Variants in MMRN1 observed in about 807,000 individuals in gnomAD.
MMRN1 encodes the protein multimerin 1.
Under a neutral mutation model 100.7 loss-of-function variants are expected in MMRN1, and 94 were observed. The observed-to-expected ratio is 0.93, with a 90% CI of 0.79 to 1.11. MMRN1 has a LOEUF of 1.11. Ranked by LOEUF, MMRN1 falls within the 50% of genes least tolerant of loss-of-function variation. The probability of loss-of-function intolerance (pLI) is 0.00; values close to 1 mark genes in which losing one functional copy is unlikely to be tolerated. For missense variants in MMRN1, 1,606 were observed against 1,439.1 expected (o/e 1.12, Z -1.88); for synonymous variants, 575 against 505.0 (o/e 1.14, Z -1.86).
intron 6 of MMRN1, among the ~76,000 whole-genome samples, chr4:89,942,755 A>C (rs568107924): frequency 5.3e-5 from 8 of 152,280 alleles, no homozygotes; most frequent in South Asian, 2.1e-4. Flanking sequence ...ATTACCAGTA[A>C]AATTATGACA....
At chr4:89,916,533 AAT>A (rs2110605291) in intron 3 of MMRN1, among the ~76,000 whole-genome samples, 1 of 151,874 alleles carries the variant, frequency 6.6e-6, no homozygotes, top group African/African-American at 2.4e-5. Flanking sequence ...GAAACTATAA[AAT>A]ATGAAAAAAG....
chr4:89,904,022 T>G (rs1721477352), intron 1 of MMRN1, among the ~76,000 whole-genome samples: 1 of 151,674 alleles, frequency 6.6e-6, no homozygotes, highest in Non-Finnish European at 1.5e-5. Flanking sequence ...GAAATGACCT[T>G]CTAATTCTGA....
chr4:89,929,555 T>C (rs1722372013), intron 5 of MMRN1, among the ~76,000 whole-genome samples: 1 of 152,104 alleles, frequency 6.6e-6, no homozygotes, highest in African/African-American at 2.4e-5. Context: ...TGAGATTTGT[T>C]TAGCAAGATT....
upstream of MMRN1, among the ~76,000 whole-genome samples, chr4:89,894,562 C>T (rs1721127878): frequency 6.6e-6 from 1 of 152,052 alleles, no homozygotes; most frequent in African/African-American, 2.4e-5. Context: ...CTGTATTCAG[C>T]CTATATCAAC....
At chr4:89,892,513 C>A (rs1053071872), upstream of MMRN1, among the ~76,000 whole-genome samples, 14 of 151,700 alleles carry the variant, frequency 9.2e-5, no homozygotes, top group African/African-American at 2.7e-4. Context: ...GAGACAAGGT[C>A]TCTGACAATT....
upstream of MMRN1, among the ~76,000 whole-genome samples, chr4:89,891,864 A>G (rs1186328914): frequency 1.3e-5 from 2 of 151,994 alleles, no homozygotes; most frequent in African/African-American, 2.4e-5. Context: ...GAAAAATCCT[A>G]TTAATCTGGT....
chr4:89,920,105 A>T (rs368780558), intron 3 of MMRN1, among the ~76,000 whole-genome samples: 3 of 152,168 alleles, frequency 2.0e-5, no homozygotes, highest in East Asian at 3.9e-4. Context: ...TCATGTATCC[A>T]TGATTAACTT....
chr4:89,893,050 G>GTCTTTATC (rs534802846), upstream of MMRN1, among the ~76,000 whole-genome samples: 33 of 152,068 alleles, frequency 2.2e-4, 1 homozygote, highest in South Asian at 5.0e-3. Context: ...AGTTTCTTCT[G>GTCTTTATC]TGTTTTCCAG....
At chr4:89,894,792 A>T, upstream of MMRN1, 1 of 1,139,000 alleles carries the variant, frequency 8.8e-7, no homozygotes, top group Non-Finnish European at 1.2e-6. Context: ...CAAAAACCCT[A>T]CAGAAACAGG....
chr4:89,917,109 G>C (rs1429083647), intron 3 of MMRN1, among the ~76,000 whole-genome samples: 1 of 151,656 alleles, frequency 6.6e-6, no homozygotes, highest in Non-Finnish European at 1.5e-5. Flanking sequence ...GTTTGTGTGT[G>C]TGTGTATGTG....
chr4:89,925,468 C>A (rs1224904540), intron 4 of MMRN1, among the ~76,000 whole-genome samples: 1 of 146,122 alleles, frequency 6.8e-6, no homozygotes, highest in Non-Finnish European at 1.5e-5. Context: ...TTTTTTATAC[C>A]CAAATAAAAA....
chr4:89,898,797 G>A (rs1274581266), intron 1 of MMRN1, among the ~76,000 whole-genome samples: 2 of 151,960 alleles, frequency 1.3e-5, no homozygotes, highest in Non-Finnish European at 2.9e-5. Context: ...GTGAAGTTAG[G>A]TGGCCTTTCT....
intron 5 of MMRN1, among the ~76,000 whole-genome samples, chr4:89,931,127 A>C (rs771135875): frequency 9.9e-5 from 15 of 152,136 alleles, no homozygotes; most frequent in Non-Finnish European, 2.1e-4. Flanking sequence ...TAAGTTTATA[A>C]AAAGTAAAAT....
chr4:89,892,992 AT>A (rs1352134854), upstream of MMRN1, among the ~76,000 whole-genome samples: 1 of 152,022 alleles, frequency 6.6e-6, no homozygotes, highest in Non-Finnish European at 1.5e-5. Flanking sequence ...AAATAGGAAC[AT>A]TTTTCCTAAA....
rs550576203 is a variant in MMRN1 at position 89,923,037 on chromosome 4, T to G, written c.851-131T>G. The stretch of plus-strand genomic sequence containing the variant: ...TGGTTGGGGGCGGAGCAGCTTACTC[T>G]GCAATCATCCCCGACCATCATGCTT... On this transcript the variant is annotated intron_variant, in intron 3 of 7. Coordinates refer to ENST00000264790, the MANE Select transcript of MMRN1 (RefSeq NM_007351.3). 3.3e-5 allele frequency: 24 copies of G among 722,162 alleles called. 1 individual carries two copies. The South Asian group carries it at 4.2e-4, about 13-fold the overall frequency. The allele number at this position is 722,162 out of a possible 1,614,324, so 44.7% of individuals were successfully genotyped here.
chr4:89,911,782 G>T lies in MMRN1; in HGVS notation c.744-162G>T, dbSNP rs920132202. Among the ~76,000 whole-genome samples the T allele has an allele frequency of 7.3e-5, 11 of 151,264 alleles. No individual in the cohort carries two copies. In the South Asian group the frequency reaches 8.3e-4, roughly 11 times the overall value. ...AATGTATTGAAAGAAACCTAAGTTA[G>T]GCAATAATATTGATGATGAATATTA... On this transcript the variant is annotated intron_variant, in intron 2 of 7. Transcript: ENST00000264790.
intron 1 of MMRN1, among the ~76,000 whole-genome samples, chr4:89,902,777 A>G (rs1721434339): frequency 6.6e-6 from 1 of 152,050 alleles, no homozygotes; most frequent in Admixed American, 6.6e-5. Flanking sequence ...AAATCAAAGT[A>G]TCTAAAATTC....
At position 89,953,246 on chromosome 4, in the gene MMRN1, T is replaced by A; in HGVS notation, c.3515T>A (p.Phe1172Tyr). Residue 1172 changes from phenylalanine (F) to tyrosine (Y), a missense_variant, in exon 8 of 8, where the codon TTT becomes TAT. Coordinates refer to ENST00000264790, the MANE Select transcript of MMRN1 (RefSeq NM_007351.3). Reference protein sequence around the residue: ...LVVDGIDKLAFESENINSEIH... With the variant: ...LVVDGIDKLAYESENINSEIH... ...GTTGATGGAATAGACAAGCTTGCAT[T>A]TGAGTCTGAAAATATTAACAGTGAA... 6.2e-7 allele frequency: 1 copy of A among 1,613,892 alleles called. No homozygotes were observed. Among genetic ancestry groups the A allele is most frequent in the South Asian group, 1.1e-5 (1 of 91,068 alleles).
Position 89,936,161 on chromosome 4 carries a change from C to A in MMRN1, c.2481C>A (p.Phe827Leu), listed in dbSNP as rs1417161207. 4 of 1,612,194 alleles carry A rather than the reference C, an allele frequency of 2.5e-6. No individual in the cohort carries two copies. In the African/African-American group the frequency reaches 5.3e-5, roughly 22 times the overall value. ...QSNFQKMYQM[F>L]NETTSQVRKY... Reference sequence around the variant, plus strand: ...ACTTCCAAAAGATGTATCAAATGTTCAATGAAACCACTTCCCAAGTGAGAA... The same window carrying A: ...ACTTCCAAAAGATGTATCAAATGTTAAATGAAACCACTTCCCAAGTGAGAA... The change falls in exon 6 of 8, where the codon TTC becomes TTA. Residue 827 changes from phenylalanine to leucine, a missense_variant. By Grantham distance (22) the Phe-to-Leu change is conservative. Coordinates refer to ENST00000264790, the MANE Select transcript of MMRN1 (RefSeq NM_007351.3).
Sources: allele counts gnomAD v4.1 joint callset (sites outside exome capture counted in the v4.1 genomes callset), GRCh38; gene constraint gnomAD v4.1.1; transcripts MANE v1.5; gene names NCBI Gene and HGNC (gene_info 2026-07-23, HGNC 2026-07-21).